SUPT3H: variants seen among roughly 807,000 people sequenced by gnomAD.
The protein encoded by SUPT3H is transcription initiation protein SPT3 homolog.
In SUPT3H, 44 loss-of-function variants were observed where a neutral mutation model predicts 44.3. The observed-to-expected ratio is 0.99, with a 90% CI of 0.78 to 1.28. The LOEUF (loss-of-function observed/expected upper bound fraction) is 1.28, where lower values mean the gene tolerates loss of function less well. SUPT3H is among the 50% of genes most tolerant of loss of function. The pLI is 0.00. For synonymous variants in SUPT3H, 124 were observed against 125.6 expected (o/e 0.99, Z 0.09); for missense variants, 380 against 387.1 (o/e 0.98, Z 0.15).
intron 2 of SUPT3H, among the ~76,000 whole-genome samples, chr6:45,290,914 C>CTGCA (rs1229387582): frequency 6.6e-6 from 1 of 152,152 alleles, no homozygotes; most frequent in Non-Finnish European, 1.5e-5. Flanking sequence ...CAGGACTAGA[C>CTGCA]TGCAGCTCTA....
chr6:44,903,003 C>G (rs1465803898), intron 10 of SUPT3H, among the ~76,000 whole-genome samples: 1 of 151,982 alleles, frequency 6.6e-6, no homozygotes, highest in African/African-American at 2.4e-5. Context: ...ACACAACATA[C>G]CAGAATCTCT....
intron 6 of SUPT3H, among the ~76,000 whole-genome samples, chr6:44,977,546 T>C (rs1778507637): frequency 6.6e-6 from 1 of 152,156 alleles, no homozygotes; most frequent in East Asian, 1.9e-4. Flanking sequence ...TCACCCCACC[T>C]TGCCACCCTA....
intron 11 of SUPT3H, among the ~76,000 whole-genome samples, chr6:44,810,151 T>A (rs1354129763): frequency 2.0e-5 from 3 of 148,150 alleles, no homozygotes; most frequent in Admixed American, 1.3e-4. Context: ...ATAAAAAAAA[T>A]AATGTTGCCT....
chr6:45,329,604 T>C (rs552809082), intron 2 of SUPT3H, among the ~76,000 whole-genome samples: 1 of 152,064 alleles, frequency 6.6e-6, no homozygotes, highest in South Asian at 2.1e-4. Flanking sequence ...TTCTTGGACC[T>C]ACCAAAATGA....
At chr6:45,112,631 C>T (rs6899378) in intron 2 of SUPT3H, among the ~76,000 whole-genome samples, 88,401 of 151,740 alleles carry the variant, frequency 0.58, 26,637 homozygotes, top group African/African-American at 0.74. Context: ...AGGGGAAGTG[C>T]TGATTAAGTT....
chr6:45,359,329 A>G (rs1359539868), intron 2 of SUPT3H, among the ~76,000 whole-genome samples: 2 of 152,154 alleles, frequency 1.3e-5, no homozygotes, highest in South Asian at 2.1e-4. Flanking sequence ...TTTATACATA[A>G]TATCACTTTC....
intron 2 of SUPT3H, among the ~76,000 whole-genome samples, chr6:45,256,658 A>G (rs944144015): frequency 3.9e-5 from 6 of 152,106 alleles, no homozygotes; most frequent in African/African-American, 1.4e-4. Flanking sequence ...CTGTTGGTAT[A>G]AATTTCCCAA....
intron 2 of SUPT3H, among the ~76,000 whole-genome samples, chr6:45,160,934 G>A (rs1398554559): frequency 2.0e-5 from 3 of 152,098 alleles, no homozygotes; most frequent in South Asian, 2.1e-4. Flanking sequence ...GTGTTGGAGT[G>A]TGGGCCTAGT....
intron 9 of SUPT3H, among the ~76,000 whole-genome samples, chr6:44,937,559 A>G (rs1216526199): frequency 6.6e-6 from 1 of 152,022 alleles, no homozygotes. Context: ...AACAGTGTAC[A>G]TGAGTTCCCT....
intron 10 of SUPT3H, among the ~76,000 whole-genome samples, chr6:44,843,346 A>C (rs1446924115): frequency 6.6e-6 from 1 of 152,204 alleles, no homozygotes; most frequent in Non-Finnish European, 1.5e-5. Flanking sequence ...ATCAGGGATA[A>C]AGCAAAGATA....
intron 2 of SUPT3H, among the ~76,000 whole-genome samples, chr6:45,284,045 C>A (rs914618511): frequency 1.3e-5 from 2 of 151,968 alleles, no homozygotes; most frequent in Non-Finnish European, 2.9e-5. Context: ...TTGAAACCAA[C>A]GAGAACAAAG....
chr6:44,915,257 AGGTTTGAAGAAAAGTAT>A (rs1767639663), intron 10 of SUPT3H, among the ~76,000 whole-genome samples: 1 of 152,194 alleles, frequency 6.6e-6, no homozygotes, highest in Non-Finnish European at 1.5e-5. Context: ...CTTTCAACTT[AGGTTTGAAGAAAAGTAT>A]GTAACTATCA....
intron 3 of SUPT3H, among the ~76,000 whole-genome samples, chr6:45,089,092 C>T (rs1011464448): frequency 3.3e-5 from 5 of 151,868 alleles, no homozygotes; most frequent in African/African-American, 7.2e-5. Context: ...CACAATTTAG[C>T]TTTTTGTTTA....
rs762559344 is a variant in SUPT3H at position 44,953,367 on chromosome 6, C to G, written c.744G>C (p.Gly248=). The G allele has an allele frequency of 6.2e-7, 1 of 1,613,966 alleles. No homozygotes were observed. Among genetic ancestry groups the G allele is most frequent in the South Asian group, 1.1e-5 (1 of 91,066 alleles). ...CAGAAATGGCATGGCTGAAGGGGTC[C>G]CCTGCCTTGGTTACCATGTCTTGCC... ...LVRQDMVTKA[G]DPFSHAISAT... is the part of the protein sequence containing the mutation. Residue 248 remains glycine, a synonymous_variant, in exon 9 of 11, where the codon GGG becomes GGC. Transcript: ENST00000371459.
At chr6:45,223,165 A>C (rs1003081893) in intron 2 of SUPT3H, among the ~76,000 whole-genome samples, 1 of 152,036 alleles carries the variant, frequency 6.6e-6, no homozygotes, top group South Asian at 2.1e-4. Flanking sequence ...GTATGTGAGA[A>C]AAAAAGAACT....
At chr6:44,813,079 C>A (rs1449692414) in intron 11 of SUPT3H, among the ~76,000 whole-genome samples, 1 of 152,026 alleles carries the variant, frequency 6.6e-6, no homozygotes, top group Admixed American at 6.6e-5. Context: ...TCAGCTGAGA[C>A]CCTAGGGATA....
chr6:44,829,970 C>CTAAT (rs765905790), intron 10 of SUPT3H, 113 bp from the exon 11 acceptor site: 1 of 904,650 alleles, frequency 1.1e-6, no homozygotes, highest in Non-Finnish European at 1.8e-6. Flanking sequence ...TGGCTACAAT[C>CTAAT]TAATAGAATG....
At chr6:45,026,985 C>CTTTTTTTT (rs34588777) in intron 3 of SUPT3H, among the ~76,000 whole-genome samples, 1 of 87,510 alleles carries the variant, frequency 1.1e-5, no homozygotes, top group South Asian at 4.8e-4. Flanking sequence ...GCTTTGGATC[C>CTTTTTTTT]TTTTTTTTTT....
intron 10 of SUPT3H, among the ~76,000 whole-genome samples, chr6:44,845,878 G>C (rs1039390094): frequency 3.9e-5 from 6 of 152,112 alleles, no homozygotes; most frequent in African/African-American, 1.4e-4. Flanking sequence ...TGATTTTTCC[G>C]GTACACCAAG....
Sources: gnomAD v4.1 joint callset for allele counts (sites outside exome capture counted in the v4.1 genomes callset) on GRCh38, gnomAD v4.1.1 for gene constraint, MANE v1.5 for transcripts, NCBI Gene and HGNC (gene_info 2026-07-23, HGNC 2026-07-21) for gene names.